Variants in BCAS3 observed in about 807,000 individuals in gnomAD.
BCAS3 encodes the protein BCAS4/BCAS3 fusion.
A neutral mutation model predicts 116.1 loss-of-function variants in BCAS3; 53 were observed. The ratio of observed to expected loss-of-function variants is 0.46; its 90% CI spans 0.37 to 0.57. The LOEUF is 0.57. BCAS3 is among the 20% of genes least tolerant of loss of function. BCAS3 has a pLI of 0.00. For missense variants in BCAS3, 917 were observed against 1,165.4 expected, an observed-to-expected ratio of 0.79 and a Z score of 3.10; for synonymous variants, 391 against 408.2, an observed-to-expected ratio of 0.96 and a Z score of 0.51.
intron 7 of BCAS3, among the ~76,000 whole-genome samples, chr17:60,865,197 T>TA (rs1057044692): frequency 2.1e-3 from 305 of 145,826 alleles, no homozygotes; most frequent in African/African-American, 4.0e-3. Flanking sequence ...TTCAATTTGT[T>TA]AAAAAAAAAA....
At chr17:61,169,100 A>G (rs952055235) in intron 22 of BCAS3, among the ~76,000 whole-genome samples, 15 of 152,218 alleles carry the variant, frequency 9.9e-5, no homozygotes, top group Non-Finnish European at 2.1e-4. Context: ...ATTATTTAAC[A>G]TTAGAATATA....
In BCAS3 at chr17:61,324,984, G is replaced by A. The variant is rs970413362; in HGVS notation, c.2426-43343G>A. ...AGGAAACAGTTTAAAAATTAAGTTA[G>A]AGAGTTCTTGCAAAGGAGATGTTTT... On this transcript the variant is annotated intron_variant, in intron 22 of 23. Coordinates refer to ENST00000407086, the MANE Select transcript of BCAS3 (RefSeq NM_017679.5). This position sits in a 1 kb window ranked among gnomAD's most constrained non-coding sequence, Gnocchi z 4.6. 2.0e-5 allele frequency among the ~76,000 whole-genome samples: 3 copies of A among 152,198 alleles called. No homozygotes were observed. The highest frequency in any genetic ancestry group is 7.2e-5 in the African/African-American group (3 of 41,438).
chr17:60,869,157 G>A (rs1449949184), intron 8 of BCAS3, among the ~76,000 whole-genome samples: 1 of 152,152 alleles, frequency 6.6e-6, no homozygotes, highest in African/African-American at 2.4e-5. Flanking sequence ...AGCTAAAATA[G>A]GGACTAGACT....
rs1029633229 is a variant in BCAS3, at chr17:61,376,303, T to A, written c.2593+7809T>A. Among the ~76,000 whole-genome samples the A allele has an allele frequency of 1.3e-5, 2 of 152,204 alleles. No homozygotes were observed. Among genetic ancestry groups the A allele is most frequent in the African/African-American group, 4.8e-5 (2 of 41,436 alleles). On this transcript the variant is annotated intron_variant, in intron 23 of 23. Coordinates refer to ENST00000407086, the MANE Select transcript of BCAS3 (RefSeq NM_017679.5). This position sits in a 1 kb window ranked among gnomAD's most constrained non-coding sequence, Gnocchi z 4.5. ...CTGTCCTAAGCAAACCCGGAGGTTG[T>A]GTGAGCTGAAGATGCTGCCTTCACA...
intron 22 of BCAS3, among the ~76,000 whole-genome samples, chr17:61,197,521 G>T (rs901638280): frequency 6.6e-6 from 1 of 152,156 alleles, no homozygotes; most frequent in African/African-American, 2.4e-5. Flanking sequence ...GTAATGATCT[G>T]CCTGAAACAA....
chr17:61,100,250 C>T (rs1285621027), intron 22 of BCAS3, among the ~76,000 whole-genome samples: 2 of 152,150 alleles, frequency 1.3e-5, no homozygotes, highest in African/African-American at 4.8e-5. Flanking sequence ...TTCTGTTTCT[C>T]TCTACCTAAA....
intron 22 of BCAS3, among the ~76,000 whole-genome samples, chr17:61,246,297 A>G (rs949356015): frequency 1.3e-5 from 2 of 151,910 alleles, no homozygotes; most frequent in African/African-American, 4.8e-5. Flanking sequence ...CCTGGGCAAC[A>G]TGACGAAACC....
intron 6 of BCAS3, among the ~76,000 whole-genome samples, chr17:60,753,510 C>T (rs1005784991): frequency 2.6e-5 from 4 of 151,544 alleles, no homozygotes; most frequent in Non-Finnish European, 4.4e-5. Context: ...CCCGGGTTCC[C>T]GCCATTCTCC....
chr17:61,277,810 C>T (rs1441738715), intron 22 of BCAS3, among the ~76,000 whole-genome samples: 1 of 152,138 alleles, frequency 6.6e-6, no homozygotes, highest in Non-Finnish European at 1.5e-5. Context: ...TTGGCACCCA[C>T]TAGGATGACT....
In BCAS3 at chr17:61,378,669, A is replaced by G. The variant is rs964703163; in HGVS notation, c.2593+10175A>G. The stretch of plus-strand genomic sequence containing the variant: ...TGGAAGGAGAGCCAGGCTGAGCCTC[A>G]GTTAATGTTTGTTGAGTGACTGGAT... On this transcript the variant is annotated intron_variant, in intron 23 of 23. Transcript: ENST00000407086. The surrounding 1 kb of genome is among the most constrained non-coding windows in gnomAD (Gnocchi z 5.8). The G allele has an allele frequency of 2.0e-5, 3 of 152,210 alleles. No homozygotes were observed. The highest frequency in any genetic ancestry group is 7.2e-5 in the African/African-American group (3 of 41,426). 9.4% of individuals were successfully genotyped at this position (152,210 alleles called of 1,614,324 possible).
chr17:61,362,843 TG>T lies in BCAS3; in HGVS notation c.2426-5483del, dbSNP rs1374255089. The T allele has an allele frequency of 6.6e-6, 1 of 151,970 alleles. No individual in the cohort carries two copies. Among genetic ancestry groups the T allele is most frequent in the Non-Finnish European group, 1.5e-5 (1 of 68,036 alleles). The allele number at this position is 151,970 out of a possible 1,614,324, so 9.4% of individuals were successfully genotyped here. A position where few individuals can be genotyped will look rare whatever the true frequency, so the allele number is the denominator to read the frequency against. On this transcript the variant is annotated intron_variant, in intron 22 of 23. Transcript: ENST00000407086. This position sits in a 1 kb window ranked among gnomAD's most constrained non-coding sequence, Gnocchi z 4.4. ...CACAGAAGGCAGTAGAGTAAAATTG[TG>T]ACATTGTTTTCTGCTCACTTATCTT...
chr17:61,193,024 G>A (rs1221398578), intron 22 of BCAS3, among the ~76,000 whole-genome samples: 3 of 152,210 alleles, frequency 2.0e-5, no homozygotes, highest in Non-Finnish European at 4.4e-5. Context: ...CACTTTGGGA[G>A]GTTGAGGCAG....
Position 60,995,274 on chromosome 17 carries a change from T to G in BCAS3, c.1486+5039T>G, listed in dbSNP as rs2063764311. Among the ~76,000 whole-genome samples the G allele has an allele frequency of 6.6e-6, 1 of 152,186 alleles. No individual in the cohort carries two copies. The highest frequency in any genetic ancestry group is 6.5e-5 in the Admixed American group (1 of 15,280). On this transcript the variant is annotated intron_variant, in intron 15 of 23. Coordinates refer to ENST00000407086, the MANE Select transcript of BCAS3 (RefSeq NM_017679.5). This position sits in a 1 kb window ranked among gnomAD's most constrained non-coding sequence, Gnocchi z 4.7. ...TTCAAGTGATTCTTCTGCTTCAGCC[T>G]CCCAAGTAGCTGGGATTACAGGTGC...
chr17:60,678,245 G>C (rs1187308550), intron 1 of BCAS3, among the ~76,000 whole-genome samples: 2 of 152,188 alleles, frequency 1.3e-5, no homozygotes, highest in African/African-American at 4.8e-5. Flanking sequence ...GAATGAGAGG[G>C]CTGAGGGGCT....
At chr17:60,886,731 G>T (rs1184400183) in intron 9 of BCAS3, among the ~76,000 whole-genome samples, 1 of 152,074 alleles carries the variant, frequency 6.6e-6, no homozygotes, top group Non-Finnish European at 1.5e-5. Context: ...GCTCCTGCTG[G>T]GGGGTGCCTC....
chr17:61,233,254 A>G lies in BCAS3; in HGVS notation c.2426-135073A>G, dbSNP rs993926508. Among the ~76,000 whole-genome samples the G allele has an allele frequency of 8.5e-5, 13 of 152,210 alleles. No homozygotes were observed. Among genetic ancestry groups the G allele is most frequent in the Non-Finnish European group, 1.5e-4 (10 of 68,030 alleles). The stretch of plus-strand genomic sequence containing the variant: ...GGAAGGTTCTGAATGCCCAAGTTTC[A>G]TTTAGGAAGCTTCACACCTTTGAGC... On this transcript the variant is annotated intron_variant, in intron 22 of 23. Transcript: ENST00000407086. This position sits in a 1 kb window ranked among gnomAD's most constrained non-coding sequence, Gnocchi z 4.3.
intron 7 of BCAS3, among the ~76,000 whole-genome samples, chr17:60,828,855 G>A (rs879412090): frequency 2.0e-5 from 3 of 152,144 alleles, no homozygotes; most frequent in South Asian, 2.1e-4. Context: ...AGGGAAAAAA[G>A]GTAGAGATGA....
At chr17:60,904,284 G>C (rs2058074121) in intron 11 of BCAS3, among the ~76,000 whole-genome samples, 1 of 151,990 alleles carries the variant, frequency 6.6e-6, no homozygotes. Context: ...GGTGCCTGTA[G>C]TCCCAGCTAC....
At chr17:60,799,543 T>TTTTTTTTG (rs1378665239) in intron 6 of BCAS3, among the ~76,000 whole-genome samples, 1 of 141,820 alleles carries the variant, frequency 7.1e-6, no homozygotes, top group Non-Finnish European at 1.5e-5. Flanking sequence ...TTTTTTTTTT[T>TTTTTTTTG]TTGGAGACAG....
Sources: gnomAD v4.1 joint callset for allele counts (sites outside exome capture counted in the v4.1 genomes callset) on GRCh38, gnomAD v4.1.1 for gene constraint, Gnocchi (gnomAD v3.1) non-coding constraint, MANE v1.5 for transcripts, NCBI Gene and HGNC (gene_info 2026-07-23, HGNC 2026-07-21) for gene names.